PPP2R2B: variants seen among roughly 807,000 people sequenced by gnomAD.
PPP2R2B encodes protein phosphatase 2 regulatory subunit Bbeta.
PPP2R2B carries 5 observed loss-of-function variants against 46.0 expected under a neutral mutation model. The ratio of observed to expected loss-of-function variants is 0.11; its 90% CI spans 0.06 to 0.23. PPP2R2B has a LOEUF of 0.23. PPP2R2B is among the 10% of genes least tolerant of loss of function. The probability of loss-of-function intolerance (pLI) is 1.00; values close to 1 mark genes in which losing one functional copy is unlikely to be tolerated. For synonymous variants in PPP2R2B, 215 were observed against 206.7 expected (o/e 1.04, Z -0.34); for missense variants, 367 against 575.0 (o/e 0.64, Z 3.70).
intron 2 of PPP2R2B, among the ~76,000 whole-genome samples, chr5:146,727,620 A>G (rs1479050932): frequency 6.6e-6 from 1 of 152,132 alleles, no homozygotes; most frequent in Non-Finnish European, 1.5e-5. Context: ...CTTCACCACT[A>G]TGCAATAGAT....
At chr5:146,775,392 T>C (rs1293388543) in intron 2 of PPP2R2B, among the ~76,000 whole-genome samples, 4 of 152,132 alleles carry the variant, frequency 2.6e-5, no homozygotes, top group Non-Finnish European at 5.9e-5. Context: ...GAAAAAACTA[T>C]GTGATTGTCT....
intron 2 of PPP2R2B, among the ~76,000 whole-genome samples, chr5:146,738,395 C>CAAA (rs58520511): frequency 3.3e-4 from 28 of 85,730 alleles, no homozygotes; most frequent in African/African-American, 6.3e-4. Flanking sequence ...GACTCAGTCT[C>CAAA]AAAAAAAAAA....
At chr5:146,810,978 G>GT (rs1757505738) in intron 2 of PPP2R2B, among the ~76,000 whole-genome samples, 1 of 150,514 alleles carries the variant, frequency 6.6e-6, no homozygotes, top group East Asian at 2.0e-4. Flanking sequence ...GCGGTGTTTG[G>GT]TTTTTTGTCC....
chr5:146,621,691 T>G (rs1004411959), intron 7 of PPP2R2B, among the ~76,000 whole-genome samples: 3 of 152,218 alleles, frequency 2.0e-5, no homozygotes, highest in Non-Finnish European at 4.4e-5. Flanking sequence ...ACCTACTACC[T>G]GCTCCAGACA....
At chr5:146,714,665 G>T (rs143499984) in intron 2 of PPP2R2B, among the ~76,000 whole-genome samples, 194 of 152,276 alleles carry the variant, frequency 1.3e-3, no homozygotes, top group African/African-American at 4.5e-3. Flanking sequence ...AATCTGGATA[G>T]TAAGAAAAAT....
At position 146,799,065 on chromosome 5, in the gene PPP2R2B, C is replaced by T. The variant is rs533394562; in HGVS notation, c.70+78937G>A. Among the ~76,000 whole-genome samples the T allele has an allele frequency of 4.6e-5, 7 of 152,172 alleles. No homozygotes were observed. In the South Asian group the frequency reaches 8.3e-4, roughly 18 times the overall value. The stretch of plus-strand genomic sequence containing the variant: ...AGAAAATATCCTCTGATTCCCATTC[C>T]GGGGCAGCCAGAACAAAGCAATGGC... On this transcript the variant is annotated intron_variant, in intron 2 of 9. Transcript: ENST00000394411.
chr5:146,823,364 A>AT (rs553852640), intron 2 of PPP2R2B, among the ~76,000 whole-genome samples: 235 of 151,852 alleles, frequency 1.5e-3, no homozygotes, highest in Non-Finnish European at 2.5e-3. Context: ...GGCCCGCCTA[A>AT]TTTTTTTTAT....
chr5:146,624,450 C>T (rs1420397740), intron 7 of PPP2R2B, among the ~76,000 whole-genome samples: 1 of 152,092 alleles, frequency 6.6e-6, no homozygotes, highest in Non-Finnish European at 1.5e-5. Context: ...ATTAACTTTA[C>T]ACTCAAAGTA....
At position 146,584,647 on chromosome 5, in the gene PPP2R2B, A is replaced by G. The variant is rs1404485488; in HGVS notation, c.*5300T>C. ...ATGATTTAAAACAGTGCCTCTCCCA[A>G]TGCCTGTCATTGCAATAACTACTCA... On this transcript the variant is annotated 3_prime_UTR_variant, in exon 10 of 10. Transcript: ENST00000394411. 1 of 152,186 alleles carries G rather than the reference A, an allele frequency of 6.6e-6. No individual in the cohort carries two copies. The highest frequency in any genetic ancestry group is 2.1e-4 in the South Asian group (1 of 4,832). 9.4% of individuals were successfully genotyped at this position (152,186 alleles called of 1,614,324 possible).
intron 2 of PPP2R2B, among the ~76,000 whole-genome samples, chr5:146,707,827 T>G (rs184144219): frequency 5.9e-5 from 9 of 152,328 alleles, no homozygotes; most frequent in Non-Finnish European, 1.0e-4. Context: ...CCACACACTC[T>G]CTCTCTATAG....
intron 2 of PPP2R2B, among the ~76,000 whole-genome samples, chr5:146,854,234 A>C (rs910990967): frequency 3.3e-5 from 5 of 152,186 alleles, no homozygotes; most frequent in Non-Finnish European, 5.9e-5. Flanking sequence ...ACAAGGCTTC[A>C]TGTCTTATAC....
At chr5:146,615,706 C>T (rs1158704478) in intron 7 of PPP2R2B, among the ~76,000 whole-genome samples, 8 of 151,488 alleles carry the variant, frequency 5.3e-5, no homozygotes, top group Admixed American at 5.3e-4. Flanking sequence ...AAGGTCTCTA[C>T]AATGAAAATT....
intron 1 of PPP2R2B, among the ~76,000 whole-genome samples, chr5:147,007,899 C>T (rs183880480): frequency 1.1e-3 from 170 of 152,190 alleles, no homozygotes; most frequent in Middle Eastern, 3.4e-3. Flanking sequence ...TGTGAGGGTC[C>T]GCGGCTTCAT....
chr5:147,027,488 C>G (rs1755579569), intron 1 of PPP2R2B, among the ~76,000 whole-genome samples: 1 of 152,012 alleles, frequency 6.6e-6, no homozygotes, highest in East Asian at 1.9e-4. Context: ...CAAAAATTAG[C>G]TGGGAGTGGT....
intron 1 of PPP2R2B, among the ~76,000 whole-genome samples, chr5:146,895,686 G>T (rs1018494266): frequency 6.6e-6 from 1 of 152,234 alleles, no homozygotes; most frequent in African/African-American, 2.4e-5. Context: ...AAAAAATTTT[G>T]TTCCTACAAA....
chr5:147,001,787 A>G (rs1403689996), intron 1 of PPP2R2B, among the ~76,000 whole-genome samples: 1 of 152,312 alleles, frequency 6.6e-6, no homozygotes, highest in East Asian at 1.9e-4. Context: ...ACCAGACTAA[A>G]GACGCGGGTG....
chr5:146,733,877 C>CAGT (rs2151210067), intron 2 of PPP2R2B, among the ~76,000 whole-genome samples: 1 of 152,124 alleles, frequency 6.6e-6, no homozygotes, highest in South Asian at 2.1e-4. Flanking sequence ...GCAGCAGCAG[C>CAGT]AGTAGTAGTG....
intron 1 of PPP2R2B, among the ~76,000 whole-genome samples, chr5:147,000,993 A>T (rs1754144668): frequency 1.3e-5 from 2 of 152,272 alleles, no homozygotes; most frequent in Non-Finnish European, 2.9e-5. Flanking sequence ...CCAAAGAGTT[A>T]GTGAGAGATG....
intron 2 of PPP2R2B, among the ~76,000 whole-genome samples, chr5:146,844,047 A>T (rs1289896993): frequency 6.6e-6 from 1 of 150,702 alleles, no homozygotes; most frequent in Non-Finnish European, 1.5e-5. Flanking sequence ...CAATGGTTGA[A>T]CTAGTTTACA....
Sources: gnomAD v4.1 joint callset for allele counts (sites outside exome capture counted in the v4.1 genomes callset) on GRCh38, gnomAD v4.1.1 for gene constraint, MANE v1.5 for transcripts, NCBI Gene and HGNC (gene_info 2026-07-23, HGNC 2026-07-21) for gene names.